The following EIF2AK1 variants were observed in gnomAD, a reference collection of about 807,000 sequenced individuals.
EIF2AK1 encodes eukaryotic translation initiation factor 2 alpha kinase 1.
EIF2AK1 carries 54 observed loss-of-function variants against 77.9 expected under a neutral mutation model. That is an observed-to-expected ratio of 0.69 (90% CI 0.56 to 0.87). EIF2AK1 has a LOEUF of 0.87. Ranked by LOEUF, EIF2AK1 falls within the 40% of genes least tolerant of loss-of-function variation. EIF2AK1 has a pLI of 0.00. For synonymous variants in EIF2AK1, 314 were observed against 290.5 expected (o/e 1.08, Z -0.82); for missense variants, 810 against 768.6 (o/e 1.05, Z -0.64).
Position 6,032,936 on chromosome 7 carries a change from G to T in EIF2AK1, c.1333-3904C>A. On this transcript the variant is annotated intron_variant, in intron 11 of 14. Transcript: ENST00000199389. This position sits in a 1 kb window ranked among gnomAD's most constrained non-coding sequence, Gnocchi z 4.3. ...CGGCACGGTGCTGACCCAGAAGTCA[G>T]GTAAGTTAACTCCACCGAAAATCAT... 1 of 1,549,290 alleles carries T rather than the reference G, an allele frequency of 6.5e-7. No homozygotes were observed. Among genetic ancestry groups the T allele is most frequent in the Non-Finnish European group, 8.7e-7 (1 of 1,145,894 alleles).
intron 11 of EIF2AK1, among the ~76,000 whole-genome samples, chr7:6,034,684 T>C (rs893209318): frequency 6.6e-6 from 1 of 152,188 alleles, no homozygotes; most frequent in Non-Finnish European, 1.5e-5. Context: ...CAAATCTATG[T>C]GAACTAAAAT....
intron 1 of EIF2AK1, among the ~76,000 whole-genome samples, chr7:6,056,633 T>TATAA: frequency 7.8e-6 from 1 of 127,432 alleles, no homozygotes; most frequent in African/African-American, 2.9e-5. Context: ...TATATATATA[T>TATAA]ATAAACTCTG....
Position 6,028,602 on chromosome 7 carries a change from C to T in EIF2AK1, c.1530+13G>A. 6.2e-7 allele frequency: 1 copy of T among 1,613,612 alleles called. No individual in the cohort carries two copies. The highest frequency in any genetic ancestry group is 1.1e-5 in the South Asian group (1 of 91,076). ...ATAAGTTGAATGAAAGGGCAGAAAG[C>T]AACAAATACTACCTTGGCATCATAC... On this transcript the variant is annotated intron_variant, in intron 13 of 14. Coordinates refer to ENST00000199389, the MANE Select transcript of EIF2AK1 (RefSeq NM_014413.4).
chr7:6,035,479 T>C lies in EIF2AK1; in HGVS notation c.1332+1945A>G. On this transcript the variant is annotated intron_variant, in intron 11 of 14. Transcript: ENST00000199389. This position sits in a 1 kb window ranked among gnomAD's most constrained non-coding sequence, Gnocchi z 5.5. ...GGCCTCACCACACTCAACTTAATGCTACTGCACTGGCCAGTCACTTCCACC... is the reference window on the plus strand; with the variant it reads ...GGCCTCACCACACTCAACTTAATGCCACTGCACTGGCCAGTCACTTCCACC... 6.4e-7 allele frequency: 1 copy of C among 1,550,938 alleles called. No homozygotes were observed. The highest frequency in any genetic ancestry group is 1.2e-5 in the South Asian group (1 of 84,062).
At chr7:6,041,802 C>T (rs537846425) in intron 8 of EIF2AK1, among the ~76,000 whole-genome samples, 1 of 148,728 alleles carries the variant, frequency 6.7e-6, no homozygotes, top group Non-Finnish European at 1.5e-5. Flanking sequence ...GATTGCGCCA[C>T]TGCACTCCAC....
rs375897273 is a variant in EIF2AK1 at position 6,023,637 on chromosome 7, G to A, written c.*1036C>T. ...TGCCAGCCAATGTGCAGAGGTGGATGAGGTCTTGTGAAAACCTGGCTCCTT... is the reference window on the plus strand; with the variant it reads ...TGCCAGCCAATGTGCAGAGGTGGATAAGGTCTTGTGAAAACCTGGCTCCTT... On this transcript the variant is annotated 3_prime_UTR_variant, in exon 15 of 15. Coordinates refer to ENST00000199389, the MANE Select transcript of EIF2AK1 (RefSeq NM_014413.4). 21 of 1,614,060 alleles carry A rather than the reference G, an allele frequency of 1.3e-5. No homozygotes were observed. The highest frequency in any genetic ancestry group is 1.6e-5 in the Non-Finnish European group (19 of 1,180,034).
chr7:6,035,902 T>C lies in EIF2AK1; in HGVS notation c.1332+1522A>G. The C allele has an allele frequency of 2.6e-6, 4 of 1,545,542 alleles. No homozygotes were observed. The highest frequency in any genetic ancestry group is 3.5e-6 in the Non-Finnish European group (4 of 1,144,068). On this transcript the variant is annotated intron_variant, in intron 11 of 14. Coordinates refer to ENST00000199389, the MANE Select transcript of EIF2AK1 (RefSeq NM_014413.4). The surrounding 1 kb of genome is among the most constrained non-coding windows in gnomAD (Gnocchi z 5.5). Reference sequence around the variant, plus strand: ...GCAGGCCGACTCCTCGGGGCGGGGGTCAGCTGCATCCGTCTGCTACTCACT... The same window carrying C: ...GCAGGCCGACTCCTCGGGGCGGGGGCCAGCTGCATCCGTCTGCTACTCACT...
chr7:6,023,195 C>G lies in EIF2AK1; in HGVS notation c.*1478G>C, dbSNP rs1787559570. 1.2e-5 allele frequency: 15 copies of G among 1,298,646 alleles called. No homozygotes were observed. The highest frequency in any genetic ancestry group is 1.3e-5 in the Non-Finnish European group (12 of 957,470). 80.4% of individuals were successfully genotyped at this position (1,298,646 alleles called of 1,614,324 possible). Reference sequence around the variant, plus strand: ...GATGTTCTTCTTGAAAACACCCTTTCCCATGTCATCAGTCTGTGGTGTTTG... The same window carrying G: ...GATGTTCTTCTTGAAAACACCCTTTGCCATGTCATCAGTCTGTGGTGTTTG... On this transcript the variant is annotated 3_prime_UTR_variant, in exon 15 of 15. Transcript: ENST00000199389.
At chr7:6,058,873 G>C (rs770839535) in intron 1 of EIF2AK1, 93 bp downstream of exon 1, 3 of 1,178,470 alleles carry the variant, frequency 2.5e-6, no homozygotes, top group Non-Finnish European at 3.4e-6. Context: ...AAGTCGCCCA[G>C]GTCCTCAGGC....
At chr7:6,025,972 C>T (rs1276337512) in intron 14 of EIF2AK1, among the ~76,000 whole-genome samples, 1 of 151,958 alleles carries the variant, frequency 6.6e-6, no homozygotes, top group Non-Finnish European at 1.5e-5. Context: ...CTATTTTAAG[C>T]TTCATATTTT....
intron 1 of EIF2AK1, 76 bp downstream of exon 1, chr7:6,058,890 C>A: frequency 7.4e-7 from 1 of 1,342,698 alleles, no homozygotes; most frequent in South Asian, 1.5e-5. Context: ...AGGCAAACCT[C>A]AGGGCTGCCT....
chr7:6,026,890 T>G lies in EIF2AK1; in HGVS notation c.1602A>C (p.Ala534=). Reference sequence around the variant, plus strand: ...CAGTTCTTAAACCTGTTAGAACTTCTGCTCGCTCCATTTCTGTTCCAAACG... The same window carrying G: ...CAGTTCTTAAACCTGTTAGAACTTCGGCTCGCTCCATTTCTGTTCCAAACG... The part of the protein sequence containing the change: ...FQPFGTEMER[A]EVLTGLRTGQ... Residue 534 remains alanine, a synonymous_variant, in exon 14 of 15, where the codon GCA becomes GCC. Coordinates refer to ENST00000199389, the MANE Select transcript of EIF2AK1 (RefSeq NM_014413.4). 6.2e-7 allele frequency: 1 copy of G among 1,614,202 alleles called. No homozygotes were observed. Among genetic ancestry groups the G allele is most frequent in the African/African-American group, 1.3e-5 (1 of 75,058 alleles).
intron 3 of EIF2AK1, among the ~76,000 whole-genome samples, chr7:6,049,627 C>CTT (rs566250638): frequency 8.3e-5 from 11 of 132,618 alleles, no homozygotes; most frequent in Non-Finnish European, 9.6e-5. Context: ...CCTCTCCTCT[C>CTT]TTTTTTTTTT....
intron 8 of EIF2AK1, 42 bp from the exon 9 acceptor site, chr7:6,041,261 G>A (rs1486776113): frequency 5.8e-6 from 9 of 1,546,712 alleles, no homozygotes; most frequent in African/African-American, 4.1e-5. Context: ...TCAATGGGCC[G>A]AGCACAGTGG....
intron 4 of EIF2AK1, 158 bp from the exon 5 acceptor site, chr7:6,047,249 A>G (rs913963525): frequency 1.1e-5 from 9 of 795,704 alleles, no homozygotes; most frequent in Middle Eastern, 4.4e-4. Flanking sequence ...TTTCATCCCT[A>G]TGAAGAAAAC....
intron 8 of EIF2AK1, among the ~76,000 whole-genome samples, chr7:6,041,976 C>A (rs1254044561): frequency 2.6e-5 from 4 of 152,070 alleles, no homozygotes; most frequent in African/African-American, 9.7e-5. Flanking sequence ...TGGCAAAACC[C>A]CATCTCTACA....
intron 1 of EIF2AK1, 100 bp from the exon 2 acceptor site, chr7:6,054,804 G>A (rs1326112581): frequency 2.4e-6 from 3 of 1,242,096 alleles, no homozygotes; most frequent in Non-Finnish European, 3.3e-6. Flanking sequence ...ATATTTAAAT[G>A]TAAGCAGATA....
rs1471095736 is a variant in EIF2AK1, at chr7:6,033,216, G to A, written c.1333-4184C>T. On this transcript the variant is annotated intron_variant, in intron 11 of 14. Transcript: ENST00000199389. This position sits in a 1 kb window ranked among gnomAD's most constrained non-coding sequence, Gnocchi z 4.4. The stretch of plus-strand genomic sequence containing the variant: ...ACTCCTGGCCTCAAGTGATCCACCT[G>A]CCTCGGCCTCCCAAAGTGCTGGGAT... Among the ~76,000 whole-genome samples the A allele has an allele frequency of 1.3e-5, 2 of 152,108 alleles. No homozygotes were observed. The highest frequency in any genetic ancestry group is 2.9e-5 in the Non-Finnish European group (2 of 68,000).
rs901411506 is a variant in EIF2AK1 at position 6,033,486 on chromosome 7, T to G, written c.1332+3938A>C. Among the ~76,000 whole-genome samples, 1 of 152,180 alleles carries G rather than the reference T, an allele frequency of 6.6e-6. No individual in the cohort carries two copies. The highest frequency in any genetic ancestry group is 1.5e-5 in the Non-Finnish European group (1 of 68,036). On this transcript the variant is annotated intron_variant, in intron 11 of 14. Coordinates refer to ENST00000199389, the MANE Select transcript of EIF2AK1 (RefSeq NM_014413.4). The surrounding 1 kb of genome is among the most constrained non-coding windows in gnomAD (Gnocchi z 4.4). ...CTGAGGATTAAGAGCTCAATGGTGGTGTTGTGAGGAATGCAGTAAAGTCCT... is the reference window on the plus strand; with the variant it reads ...CTGAGGATTAAGAGCTCAATGGTGGGGTTGTGAGGAATGCAGTAAAGTCCT...
Sources: gnomAD v4.1 joint callset for allele counts (sites outside exome capture counted in the v4.1 genomes callset) on GRCh38, gnomAD v4.1.1 for gene constraint, Gnocchi (gnomAD v3.1) non-coding constraint, MANE v1.5 for transcripts, NCBI Gene and HGNC (gene_info 2026-07-23, HGNC 2026-07-21) for gene names.